DNAJC21: variants seen among roughly 807,000 people sequenced by gnomAD.
DNAJC21 encodes the protein dnaJ homolog subfamily C member 21.
Under a neutral mutation model 72.4 loss-of-function variants are expected in DNAJC21, and 63 were observed. The observed-to-expected ratio is 0.87, with a 90% confidence interval of 0.71 to 1.07. DNAJC21 has a LOEUF of 1.07. DNAJC21 is among the 50% of genes least tolerant of loss of function. The pLI is 0.00. For synonymous variants in DNAJC21, 203 were observed against 216.7 expected, an observed-to-expected ratio of 0.94 and a Z score of 0.56; for missense variants, 634 against 644.8, an observed-to-expected ratio of 0.98 and a Z score of 0.18.
chr5:34,949,308 T>C (rs1765276929), intron 9 of DNAJC21, among the ~76,000 whole-genome samples: 1 of 151,966 alleles, frequency 6.6e-6, no homozygotes, highest in Admixed American at 6.6e-5. Flanking sequence ...AAACATCAAA[T>C]TGTCAACATC....
At chr5:34,930,433 T>A (rs2112008957) in intron 1 of DNAJC21, 1 of 151,894 alleles carries the variant, frequency 6.6e-6, no homozygotes, top group East Asian at 1.9e-4. Flanking sequence ...TCAATAGGGA[T>A]GCGCTTTTTT....
At chr5:34,954,129 A>T (rs1426356161) in intron 11 of DNAJC21, 128 bp downstream of exon 11, 5 of 789,462 alleles carry the variant, frequency 6.3e-6, no homozygotes, top group Non-Finnish European at 9.6e-6. Context: ...GGATCCATCA[A>T]CAGTTTTGTT....
chr5:34,945,150 T>C, intron 8 of DNAJC21, 125 bp downstream of exon 8: 1 of 1,139,190 alleles, frequency 8.8e-7, no homozygotes, highest in Non-Finnish European at 1.2e-6. Context: ...CAGTCTCAGC[T>C]CACTGCAACC....
chr5:34,950,063 T>C, intron 9 of DNAJC21, 107 bp from the exon 10 acceptor site: 1 of 1,256,900 alleles, frequency 8.0e-7, no homozygotes, highest in Non-Finnish European at 1.1e-6. Context: ...CTTACCTGCT[T>C]CTCCTTTTTA....
At chr5:34,944,110 T>A (rs1330291715) in intron 7 of DNAJC21, among the ~76,000 whole-genome samples, 2 of 152,276 alleles carry the variant, frequency 1.3e-5, no homozygotes, top group African/African-American at 2.4e-5. Flanking sequence ...TTAGTTGATA[T>A]AACTCTTGTA....
intron 2 of DNAJC21, among the ~76,000 whole-genome samples, chr5:34,934,209 T>C (rs1269999190): frequency 6.6e-6 from 1 of 152,128 alleles, no homozygotes; most frequent in East Asian, 1.9e-4. Flanking sequence ...TTTACTGATA[T>C]CAGACAGGTA....
intron 4 of DNAJC21, among the ~76,000 whole-genome samples, 183 bp from the exon 5 acceptor site, chr5:34,937,143 A>C (rs1236238948): frequency 6.6e-6 from 1 of 152,124 alleles, no homozygotes; most frequent in Non-Finnish European, 1.5e-5. Context: ...TTTCTCATTA[A>C]GTTTATTTTG....
Position 34,933,905 on chromosome 5 carries a change from C to T in DNAJC21, c.188C>T (p.Ala63Val), listed in dbSNP as rs1764682688. Residue 63 changes from alanine to valine, a missense_variant, in exon 2 of 12, where the codon GCA becomes GTA. Transcript: ENST00000648817. Reference protein sequence around the residue: ...YDVLSDPQERAWYDNHREALL... With the variant: ...YDVLSDPQERVWYDNHREALL... Reference sequence around the variant, plus strand: ...GTGTTGAGTGACCCTCAGGAAAGAGCATGGTGAGCATCACGCTGTCCTTCC... The same window carrying T: ...GTGTTGAGTGACCCTCAGGAAAGAGTATGGTGAGCATCACGCTGTCCTTCC... 6.2e-7 allele frequency: 1 copy of T among 1,613,210 alleles called. No homozygotes were observed. Among genetic ancestry groups the T allele is most frequent in the Non-Finnish European group, 8.5e-7 (1 of 1,179,496 alleles).
rs754428599 is a variant in DNAJC21 at position 34,953,998 on chromosome 5, A to G, written c.1431A>G (p.Thr477=). 1.9e-6 allele frequency: 3 copies of G among 1,608,798 alleles called. No homozygotes were observed. The African/African-American group carries it at 4.0e-5, about 22-fold the overall frequency. ...TCAGAGTACCTGCTGAACCACAAAC[A>G]ATGGTAGGTCAAAATCATATTCATA... ...KPVRVPAEPQ[T]MSVLISCTTC... is the part of the protein sequence containing the mutation. Residue 477 remains threonine (T), a synonymous_variant, in exon 11 of 12, where the codon ACA becomes ACG. Coordinates refer to ENST00000648817, the MANE Select transcript of DNAJC21 (RefSeq NM_001012339.3).
intron 1 of DNAJC21, among the ~76,000 whole-genome samples, chr5:34,932,389 C>G (rs1016135905): frequency 1.1e-4 from 17 of 150,486 alleles, no homozygotes; most frequent in Admixed American, 6.6e-5. Flanking sequence ...CCACTGCACT[C>G]CAGCCTGGTG....
At chr5:34,935,905 T>G (rs1377404026) in intron 3 of DNAJC21, 72 bp downstream of exon 3, 2 of 1,589,064 alleles carry the variant, frequency 1.3e-6, no homozygotes, top group African/African-American at 1.3e-5. Flanking sequence ...AGAGAATTCT[T>G]AAAACTATTC....
chr5:34,933,720 G>A (rs753729586), intron 1 of DNAJC21, 95 bp from the exon 2 acceptor site: 12 of 878,488 alleles, frequency 1.4e-5, no homozygotes, highest in Admixed American at 2.3e-5. Context: ...TTTTGTGCAC[G>A]TCTCATCTGT....
rs189706173 is a variant in DNAJC21 at position 34,932,615 on chromosome 5, C to T, written c.98-1200C>T. On this transcript the variant is annotated intron_variant, in intron 1 of 11. Transcript: ENST00000648817. ...GTTTCTAAGGATGAGAATCTGGGAG[C>T]GGCTTTGCTAGGTGGTTTTGGCTTT... Among the ~76,000 whole-genome samples the T allele has an allele frequency of 9.2e-5, 14 of 152,274 alleles. No individual in the cohort carries two copies. The East Asian group carries it at 2.3e-3, about 25-fold the overall frequency.
At chr5:34,940,694 A>T (rs1305966043) in intron 6 of DNAJC21, among the ~76,000 whole-genome samples, 2 of 152,234 alleles carry the variant, frequency 1.3e-5, no homozygotes, top group African/African-American at 2.4e-5. Context: ...TAAACTTATA[A>T]ACTAAGTTTA....
rs189528911 is a variant in DNAJC21, at chr5:34,947,388, A to G, written c.1185+1585A>G. 2.6e-5 allele frequency among the ~76,000 whole-genome samples: 4 copies of G among 152,280 alleles called. No individual in the cohort carries two copies. The East Asian group carries it at 7.7e-4, about 29-fold the overall frequency. ...GTGGTATTTTTGAAAGTAAATGAGT[A>G]TATTTTCACCAATTTCATAGAGGAG... is the stretch of plus-strand genomic sequence containing the variant. On this transcript the variant is annotated intron_variant, in intron 9 of 11. Transcript: ENST00000648817.
intron 6 of DNAJC21, among the ~76,000 whole-genome samples, chr5:34,939,817 A>G (rs937599933): frequency 6.6e-6 from 1 of 151,922 alleles, no homozygotes; most frequent in Non-Finnish European, 1.5e-5. Flanking sequence ...TGTATATCTG[A>G]TTTTCCCCAC....
intron 9 of DNAJC21, among the ~76,000 whole-genome samples, chr5:34,948,028 T>C (rs1561190147): frequency 6.6e-6 from 1 of 152,194 alleles, no homozygotes; most frequent in African/African-American, 2.4e-5. Context: ...AATTAAATTA[T>C]TTGATCCTTG....
At chr5:34,945,861 A>AT in intron 9 of DNAJC21, 58 bp downstream of exon 9, 1 of 1,235,424 alleles carries the variant, frequency 8.1e-7, no homozygotes, top group Non-Finnish European at 1.1e-6. Flanking sequence ...CAGTGCTCTT[A>AT]TTTATTCAGT....
chr5:34,945,153 C>A lies in DNAJC21; in HGVS notation c.1142+128C>A, dbSNP rs569531124. 1.7e-4 allele frequency: 189 copies of A among 1,097,794 alleles called. No homozygotes were observed. In the South Asian group the frequency reaches 2.2e-3, roughly 13 times the overall value. 68.0% of individuals were successfully genotyped at this position (1,097,794 alleles called of 1,614,324 possible). On this transcript the variant is annotated intron_variant, in intron 8 of 11. Coordinates refer to ENST00000648817, the MANE Select transcript of DNAJC21 (RefSeq NM_001012339.3). The stretch of plus-strand genomic sequence containing the variant: ...GGTGCAGTGGCGCAGTCTCAGCTCA[C>A]TGCAACCTCCAACTTGTGGGTTCAA...
Sources: gnomAD v4.1 joint callset for allele counts (sites outside exome capture counted in the v4.1 genomes callset) on GRCh38, gnomAD v4.1.1 for gene constraint, MANE v1.5 for transcripts, NCBI Gene and HGNC (gene_info 2026-07-23, HGNC 2026-07-21) for gene names.